ANKRD40: variants seen among roughly 807,000 people sequenced by gnomAD.
ANKRD40 encodes ankyrin repeat domain 40.
Under a neutral mutation model 35.5 loss-of-function variants are expected in ANKRD40, and 24 were observed. The ratio of observed to expected loss-of-function variants is 0.68; its 90% confidence interval spans 0.49 to 0.95. The LOEUF is 0.95. ANKRD40 is among the 40% of genes least tolerant of loss of function. The probability of loss-of-function intolerance (pLI) is 0.00; values close to 1 mark genes in which losing one functional copy is unlikely to be tolerated. For missense variants in ANKRD40, 361 were observed against 436.0 expected (o/e 0.83, Z 1.53); for synonymous variants, 147 against 173.5 (o/e 0.85, Z 1.20).
chr17:50,695,950 G>A lies in ANKRD40; in HGVS notation c.*47C>T. 1 of 1,605,388 alleles carries A rather than the reference G, an allele frequency of 6.2e-7. No individual in the cohort carries two copies. Among genetic ancestry groups the A allele is most frequent in the Non-Finnish European group, 8.5e-7 (1 of 1,174,488 alleles). On this transcript the variant is annotated 3_prime_UTR_variant, in exon 5 of 5. Coordinates refer to ENST00000285243, the MANE Select transcript of ANKRD40 (RefSeq NM_052855.4). ...ATCAATGGCTTGTCCTTGGCCCAGA[G>A]GTGATGCACACTGTCATAATACTCA...
chr17:50,707,661 A>T lies in ANKRD40; in HGVS notation c.-7T>A. On this transcript the variant is annotated 5_prime_UTR_variant, in exon 1 of 5. Transcript: ENST00000285243. The surrounding 1 kb of genome is among the most constrained non-coding windows in gnomAD (Gnocchi z 4.8). ...GCTCTAGGAGGGCGTTCATCTTCCCACAGCCCCAGGCCCCCGCCCAGGCCC... is the reference window on the plus strand; with the variant it reads ...GCTCTAGGAGGGCGTTCATCTTCCCTCAGCCCCAGGCCCCCGCCCAGGCCC... 6.5e-7 allele frequency: 1 copy of T among 1,538,670 alleles called. No individual in the cohort carries two copies. The highest frequency in any genetic ancestry group is 8.7e-7 in the Non-Finnish European group (1 of 1,147,146).
intron 3 of ANKRD40, among the ~76,000 whole-genome samples, chr17:50,698,057 G>A (rs1968220869): frequency 6.6e-6 from 1 of 151,808 alleles, no homozygotes; most frequent in African/African-American, 2.4e-5. Flanking sequence ...TATACCTGTA[G>A]CAATGAGGAC....
At chr17:50,705,520 A>C (rs181254672) in intron 1 of ANKRD40, among the ~76,000 whole-genome samples, 5 of 152,092 alleles carry the variant, frequency 3.3e-5, no homozygotes, top group Admixed American at 2.6e-4. Flanking sequence ...AGGTAGAAAA[A>C]AATTTTTTTT....
rs544255374 is a variant in ANKRD40, at chr17:50,707,808, G to C, written c.-154C>G. Reference sequence around the variant, plus strand: ...TCGCGCCGCTGCCCGCGCCCGCCCCGGGACTTCCGCTCCCTCCCGCGGGCC... The same window carrying C: ...TCGCGCCGCTGCCCGCGCCCGCCCCCGGACTTCCGCTCCCTCCCGCGGGCC... On this transcript the variant is annotated 5_prime_UTR_variant, in exon 1 of 5. Transcript: ENST00000285243. This position sits in a 1 kb window ranked among gnomAD's most constrained non-coding sequence, Gnocchi z 4.8. 2 of 346,212 alleles carry C rather than the reference G, an allele frequency of 5.8e-6. No homozygotes were observed. Among genetic ancestry groups the C allele is most frequent in the South Asian group, 1.1e-4 (1 of 9,064 alleles). The allele number at this position is 346,212 out of a possible 1,614,324, so 21.4% of individuals were successfully genotyped here. A position where few individuals can be genotyped will look rare whatever the true frequency, so the allele number is the denominator to read the frequency against.
intron 3 of ANKRD40, among the ~76,000 whole-genome samples, chr17:50,697,812 T>C (rs1968217790): frequency 6.6e-6 from 1 of 152,164 alleles, no homozygotes; most frequent in East Asian, 1.9e-4. Context: ...ATGAATCCCT[T>C]GTAGCACCCC....
chr17:50,700,225 C>T (rs1968254179), intron 2 of ANKRD40: 2 of 262,282 alleles, frequency 7.6e-6, no homozygotes, highest in Non-Finnish European at 1.4e-5. Flanking sequence ...TGGCGGATCA[C>T]CTGAGGTCGG....
At position 50,697,125 on chromosome 17, in the gene ANKRD40, G is replaced by GA. The variant is rs762144895; in HGVS notation, c.779-5dup. The GA allele has an allele frequency of 2.1e-5, 34 of 1,597,496 alleles. No homozygotes were observed. The highest frequency in any genetic ancestry group is 3.6e-5 in the Admixed American group (2 of 55,622). On this transcript the variant is annotated splice_polypyrimidine_tract_variant and splice_region_variant and intron_variant, in intron 3 of 4. Coordinates refer to ENST00000285243, the MANE Select transcript of ANKRD40 (RefSeq NM_052855.4). ...ATTCTCACCTTGAGTACCAGCTCTA[G>GA]AAAAAAAAGGAGAAATGTTAATGAA...
rs1327637169 is a variant in ANKRD40 at position 50,693,728 on chromosome 17, T to C, written c.*2269A>G. 6.6e-6 allele frequency: 1 copy of C among 152,228 alleles called. No individual in the cohort carries two copies. The highest frequency in any genetic ancestry group is 2.4e-5 in the African/African-American group (1 of 41,450). The allele number at this position is 152,228 out of a possible 1,614,324, so 9.4% of individuals were successfully genotyped here. A position where few individuals can be genotyped will look rare whatever the true frequency, so the allele number is the denominator to read the frequency against. Reference sequence around the variant, plus strand: ...GACATGAATTAATAGTGAATTTATTTCCTCTAGGACAGAACCAGACTTAAC... The same window carrying C: ...GACATGAATTAATAGTGAATTTATTCCCTCTAGGACAGAACCAGACTTAAC... On this transcript the variant is annotated 3_prime_UTR_variant, in exon 5 of 5. Coordinates refer to ENST00000285243, the MANE Select transcript of ANKRD40 (RefSeq NM_052855.4).
rs540279255 is a variant in ANKRD40 at position 50,700,524 on chromosome 17, A to G, written c.283+44T>C. ...GTAGCCAATAATACCACAAGTCTTC[A>G]ATGAGTCTGAGGAAATCAAAAGTTC... On this transcript the variant is annotated intron_variant, in intron 2 of 4. Coordinates refer to ENST00000285243, the MANE Select transcript of ANKRD40 (RefSeq NM_052855.4). The G allele has an allele frequency of 5.1e-5, 82 of 1,597,542 alleles. 1 individual carries two copies. In the South Asian group the frequency reaches 6.8e-4, roughly 13 times the overall value.
chr17:50,706,416 A>T (rs1281520386), intron 1 of ANKRD40, among the ~76,000 whole-genome samples: 3 of 152,170 alleles, frequency 2.0e-5, no homozygotes, highest in Admixed American at 2.0e-4. Flanking sequence ...CTAGCAAAAT[A>T]GTCTGGCTAA....
chr17:50,695,980 T>C lies in ANKRD40; in HGVS notation c.*17A>G. On this transcript the variant is annotated 3_prime_UTR_variant, in exon 5 of 5. Transcript: ENST00000285243. The stretch of plus-strand genomic sequence containing the variant: ...TGCACACTGTCATAATACTCAGTGA[T>C]AAAAGTCCCTGCTGCATTAGTAAGT... 1 of 1,613,664 alleles carries C rather than the reference T, an allele frequency of 6.2e-7. No individual in the cohort carries two copies. Among genetic ancestry groups the C allele is most frequent in the Non-Finnish European group, 8.5e-7 (1 of 1,179,692 alleles).
At chr17:50,696,394 G>C (rs1312369317) in intron 4 of ANKRD40, among the ~76,000 whole-genome samples, 1 of 152,320 alleles carries the variant, frequency 6.6e-6, no homozygotes, top group South Asian at 2.1e-4. Flanking sequence ...GCAATGCACA[G>C]ATCAGTTTCC....
Position 50,695,445 on chromosome 17 carries a change from G to A in ANKRD40, c.*552C>T, listed in dbSNP as rs890464799. On this transcript the variant is annotated 3_prime_UTR_variant, in exon 5 of 5. Coordinates refer to ENST00000285243, the MANE Select transcript of ANKRD40 (RefSeq NM_052855.4). ...TAACCTGAGTAACATTTATAAATAT[G>A]TTATAGGAAACCTCACAGTCACAAG... The A allele has an allele frequency of 2.0e-5, 3 of 152,632 alleles. No individual in the cohort carries two copies. The highest frequency in any genetic ancestry group is 7.2e-5 in the African/African-American group (3 of 41,442). The allele number at this position is 152,632 out of a possible 1,614,324, so 9.5% of individuals were successfully genotyped here.
At chr17:50,698,985 C>CA (rs5820829) in intron 3 of ANKRD40, among the ~76,000 whole-genome samples, 24,769 of 69,814 alleles carry the variant, frequency 0.35, 3,312 homozygotes, top group East Asian at 0.44. Flanking sequence ...ACTAAAAATA[C>CA]AAAAAAAAAA....
rs1968351784 is a variant in ANKRD40, at chr17:50,707,262, G to A, written c.134+259C>T. Reference sequence around the variant, plus strand: ...TCTGACCAAGTGAGCCGGGAGCGCGGGGGAAGGGGGTAGGGCACCAGAGTC... The same window carrying A: ...TCTGACCAAGTGAGCCGGGAGCGCGAGGGAAGGGGGTAGGGCACCAGAGTC... On this transcript the variant is annotated intron_variant, in intron 1 of 4. Transcript: ENST00000285243. The surrounding 1 kb of genome is among the most constrained non-coding windows in gnomAD (Gnocchi z 4.8). 6.6e-6 allele frequency among the ~76,000 whole-genome samples: 1 copy of A among 152,202 alleles called. No individual in the cohort carries two copies. The highest frequency in any genetic ancestry group is 6.5e-5 in the Admixed American group (1 of 15,284).
chr17:50,699,720 C>A lies in ANKRD40; in HGVS notation c.457G>T (p.Ala153Ser), dbSNP rs1378589076. The change falls in exon 3 of 5, where the codon GCA becomes TCA. Residue 153 changes from alanine (A) to serine (S), a missense_variant. Physicochemically the swap from Ala to Ser is moderately conservative, Grantham distance 99. Transcript: ENST00000285243. ...GGTGAGCCATCTGCAGGGGGTGATG[C>A]AGGGGGTGTGGAGGGGCCCCCATTC... ...MQNGGPSTPP[A>S]SPPADGSPPL... The A allele has an allele frequency of 6.2e-7, 1 of 1,613,264 alleles. No homozygotes were observed. Among genetic ancestry groups the A allele is most frequent in the Admixed American group, 1.7e-5 (1 of 60,000 alleles).
chr17:50,699,640 G>A lies in ANKRD40; in HGVS notation c.537C>T (p.His179=). 1 of 1,614,234 alleles carries A rather than the reference G, an allele frequency of 6.2e-7. No homozygotes were observed. The highest frequency in any genetic ancestry group is 2.2e-5 in the East Asian group (1 of 44,884). Residue 179 remains histidine (H), a synonymous_variant, in exon 3 of 5, where the codon CAC becomes CAT. Coordinates refer to ENST00000285243, the MANE Select transcript of ANKRD40 (RefSeq NM_052855.4). ...CATTCTGAACTAGTGCCAAAGAGGT[G>A]TGGTCCCGGGGAAAGGTCCCTAACA... ...PPLLGTFPRD[H]TSLALVQNGD...
chr17:50,702,600 A>C (rs1342938587), intron 1 of ANKRD40, among the ~76,000 whole-genome samples: 1 of 152,152 alleles, frequency 6.6e-6, no homozygotes, highest in Non-Finnish European at 1.5e-5. Flanking sequence ...TGATGAGAAA[A>C]ATATGCTCCC....
chr17:50,697,061 A>G lies in ANKRD40; in HGVS notation c.839T>C (p.Ile280Thr). 1.2e-6 allele frequency: 2 copies of G among 1,614,112 alleles called. No individual in the cohort carries two copies. Among genetic ancestry groups the G allele is most frequent in the South Asian group, 1.1e-5 (1 of 91,060 alleles). Residue 280 changes from isoleucine (I) to threonine (T), a missense_variant, in exon 4 of 5, where the codon ATT (isoleucine) becomes ACT (threonine). Ile to Thr is a moderately conservative substitution (Grantham distance 89). This residue lies in a region of ANKRD40 where 93 missense variants were observed against 129.6 expected (regional missense o/e 0.72). Transcript: ENST00000285243. The part of the protein sequence containing the change: ...PSLRENDFIE[I>T]ELDRQELTYQ... ...GGTGAGCTCCTGTCGGTCCAGTTCAATTTCAATGAAATCATTTTCTCGAAG... is the reference window on the plus strand; with the variant it reads ...GGTGAGCTCCTGTCGGTCCAGTTCAGTTTCAATGAAATCATTTTCTCGAAG...
Sources: allele counts gnomAD v4.1 joint callset (sites outside exome capture counted in the v4.1 genomes callset), GRCh38; gene constraint gnomAD v4.1.1; regional missense constraint gnomAD v4.1.1; non-coding constraint Gnocchi (gnomAD v3.1); transcripts MANE v1.5; gene names NCBI Gene and HGNC (gene_info 2026-07-23, HGNC 2026-07-21).